Variants in TSC22D2 observed in about 807,000 individuals in gnomAD.
The protein encoded by TSC22D2 is TSC22 domain family member 2.
A neutral mutation model predicts 50.1 loss-of-function variants in TSC22D2; 5 were observed. The observed-to-expected ratio is 0.10, with a 90% CI of 0.05 to 0.21. The LOEUF (loss-of-function observed/expected upper bound fraction) is 0.21. Among genes scored for constraint, TSC22D2 ranks in the 10% least tolerant of loss-of-function variants. The pLI is 1.00. For missense variants in TSC22D2, 1,003 were observed against 1,015.5 expected (o/e 0.99, Z 0.17); for synonymous variants, 501 against 450.1 (o/e 1.11, Z -1.43).
At chr3:150,456,477 C>T (rs1258776606) in intron 1 of TSC22D2, among the ~76,000 whole-genome samples, 1 of 152,080 alleles carries the variant, frequency 6.6e-6, no homozygotes, top group Non-Finnish European at 1.5e-5. Context: ...CGTGAGCCAC[C>T]ACGCCCGGCT....
chr3:150,434,760 A>G (rs1175174526), intron 1 of TSC22D2, among the ~76,000 whole-genome samples: 7 of 152,088 alleles, frequency 4.6e-5, no homozygotes, highest in Admixed American at 1.3e-4. Flanking sequence ...TGCATTTGCT[A>G]TAATGCATAA....
chr3:150,411,485 G>A (rs938616093), intron 1 of TSC22D2, among the ~76,000 whole-genome samples, 177 bp downstream of exon 1: 3 of 152,152 alleles, frequency 2.0e-5, no homozygotes, highest in African/African-American at 7.2e-5. Flanking sequence ...TGTAATGAGC[G>A]AATTGGTCTT....
At chr3:150,427,344 T>C (rs1445112824) in intron 1 of TSC22D2, among the ~76,000 whole-genome samples, 2 of 152,016 alleles carry the variant, frequency 1.3e-5, no homozygotes, top group Non-Finnish European at 2.9e-5. Flanking sequence ...CCCCCATCAG[T>C]CACTTCCCCT....
chr3:150,427,606 C>T (rs73007761), intron 1 of TSC22D2, among the ~76,000 whole-genome samples: 3,718 of 152,146 alleles, frequency 0.024, 155 homozygotes, highest in African/African-American at 0.084. Flanking sequence ...TTGTGACCAA[C>T]CCCAATATAT....
Position 150,462,491 on chromosome 3 carries a change from TAAATG to T in TSC22D2, c.*3859_*3863del, listed in dbSNP as rs1477908328. The stretch of plus-strand genomic sequence containing the variant: ...TTAGGAGGGATGACAATCCGGAAAA[TAAATG>T]AAAGGGCAAAATTACATAGGCAATT... On this transcript the variant is annotated 3_prime_UTR_variant, in exon 3 of 3. Coordinates refer to ENST00000688009, the MANE Select transcript of TSC22D2 (RefSeq NM_001303264.2). 1 of 151,952 alleles carries T rather than the reference TAAATG, an allele frequency of 6.6e-6. No homozygotes were observed. The highest frequency in any genetic ancestry group is 1.5e-5 in the Non-Finnish European group (1 of 67,984). The allele number at this position is 151,952 out of a possible 1,614,324, so 9.4% of individuals were successfully genotyped here.
intron 1 of TSC22D2, among the ~76,000 whole-genome samples, chr3:150,420,245 C>T (rs771674495): frequency 3.5e-4 from 53 of 152,196 alleles, no homozygotes; most frequent in Non-Finnish European, 1.2e-4. Context: ...AGACTTGACT[C>T]CTTTAATCTG....
intron 1 of TSC22D2, among the ~76,000 whole-genome samples, chr3:150,440,828 T>A (rs953040118): frequency 6.6e-6 from 1 of 152,022 alleles, no homozygotes; most frequent in Non-Finnish European, 1.5e-5. Flanking sequence ...CCACATCTTA[T>A]AACCTTTTCC....
intron 1 of TSC22D2, among the ~76,000 whole-genome samples, chr3:150,450,739 A>G (rs866987458): frequency 6.6e-6 from 1 of 152,150 alleles, no homozygotes; most frequent in African/African-American, 2.4e-5. Flanking sequence ...TTAAAATTAT[A>G]TTTAACCTCA....
At chr3:150,417,327 T>C (rs910345144) in intron 1 of TSC22D2, among the ~76,000 whole-genome samples, 4 of 152,134 alleles carry the variant, frequency 2.6e-5, no homozygotes, top group African/African-American at 4.8e-5. Flanking sequence ...GCCTCTAGTT[T>C]CTAAAGTAGA....
At position 150,458,643 on chromosome 3, in the gene TSC22D2, C is replaced by G. The variant is rs201338161; in HGVS notation, c.*7C>G. The G allele has an allele frequency of 8.1e-5, 130 of 1,611,352 alleles. 3 individuals carry two copies. The Admixed American group carries it at 1.8e-3, about 22-fold the overall frequency. ...GAATGTCTCCTCAGCATAAAGCTTT[C>G]TTAAGCCTCATTAAGAAAAAAACTG... On this transcript the variant is annotated 3_prime_UTR_variant, in exon 3 of 3. Coordinates refer to ENST00000688009, the MANE Select transcript of TSC22D2 (RefSeq NM_001303264.2).
intron 1 of TSC22D2, among the ~76,000 whole-genome samples, chr3:150,412,761 C>T (rs1719639985): frequency 6.6e-6 from 1 of 152,104 alleles, no homozygotes; most frequent in Non-Finnish European, 1.5e-5. Context: ...TCAGAAAAAT[C>T]CCTCTACTTT....
intron 1 of TSC22D2, among the ~76,000 whole-genome samples, chr3:150,430,934 A>T (rs1220522330): frequency 6.6e-6 from 1 of 152,186 alleles, no homozygotes; most frequent in African/African-American, 2.4e-5. Context: ...CAGAAAAATT[A>T]CAAGAATAGT....
intron 1 of TSC22D2, among the ~76,000 whole-genome samples, chr3:150,446,689 A>C (rs1720901077): frequency 6.6e-6 from 1 of 151,946 alleles, no homozygotes; most frequent in Non-Finnish European, 1.5e-5. Flanking sequence ...CCTTTAGTCT[A>C]AATCAGAATC....
intron 1 of TSC22D2, among the ~76,000 whole-genome samples, chr3:150,434,664 A>G (rs1249787676): frequency 6.6e-6 from 1 of 152,192 alleles, no homozygotes; most frequent in Non-Finnish European, 1.5e-5. Context: ...AAAAATACCA[A>G]TAGCCTGTCT....
At chr3:150,426,042 G>A (rs534814122) in intron 1 of TSC22D2, among the ~76,000 whole-genome samples, 48 of 152,104 alleles carry the variant, frequency 3.2e-4, no homozygotes, top group Non-Finnish European at 6.6e-4. Context: ...TTTTCTGTAG[G>A]TGCCATCATG....
intron 1 of TSC22D2, among the ~76,000 whole-genome samples, chr3:150,445,702 T>C (rs920861602): frequency 9.2e-5 from 14 of 152,182 alleles, no homozygotes; most frequent in African/African-American, 3.4e-4. Context: ...ATAATCCTTA[T>C]AGCCGTCCTT....
At chr3:150,435,807 T>C (rs1202950321) in intron 1 of TSC22D2, among the ~76,000 whole-genome samples, 2 of 152,214 alleles carry the variant, frequency 1.3e-5, no homozygotes, top group Non-Finnish European at 2.9e-5. Context: ...TATTTTAATA[T>C]AGTTTCACCT....
intron 1 of TSC22D2, among the ~76,000 whole-genome samples, chr3:150,416,257 G>A (rs1360974012): frequency 6.6e-6 from 1 of 152,122 alleles, no homozygotes; most frequent in Non-Finnish European, 1.5e-5. Context: ...TGAAGATTCT[G>A]TTTATTTCTT....
chr3:150,419,413 T>G (rs1367346810), intron 1 of TSC22D2, among the ~76,000 whole-genome samples: 3 of 152,102 alleles, frequency 2.0e-5, no homozygotes, highest in Non-Finnish European at 2.9e-5. Flanking sequence ...CTAAAGGATT[T>G]TTTTAATCAT....
Sources: allele counts gnomAD v4.1 joint callset (sites outside exome capture counted in the v4.1 genomes callset), GRCh38; gene constraint gnomAD v4.1.1; transcripts MANE v1.5; gene names NCBI Gene and HGNC (gene_info 2026-07-23, HGNC 2026-07-21).